The following ROR2 variants were observed in gnomAD, a reference collection of about 807,000 sequenced individuals.
ROR2 encodes tyrosine-protein kinase transmembrane receptor ROR2.
Under a neutral mutation model 74.9 loss-of-function variants are expected in ROR2, and 33 were observed. That is an observed-to-expected ratio of 0.44 (90% confidence interval 0.33 to 0.59). The LOEUF (loss-of-function observed/expected upper bound fraction) is 0.59. Among genes scored for constraint, ROR2 ranks in the 20% least tolerant of loss-of-function variants. ROR2 has a pLI of 0.02. For synonymous variants in ROR2, 586 were observed against 558.7 expected, an observed-to-expected ratio of 1.05 and a Z score of -0.69; for missense variants, 1,216 against 1,313.8, an observed-to-expected ratio of 0.93 and a Z score of 1.15.
intron 1 of ROR2, among the ~76,000 whole-genome samples, chr9:91,813,446 G>A (rs1165590253): frequency 1.3e-5 from 2 of 152,198 alleles, no homozygotes; most frequent in Admixed American, 1.3e-4. Flanking sequence ...TCTGGGTCAG[G>A]ATGGGTTTGC....
chr9:91,767,057 C>T (rs189132927), intron 2 of ROR2, among the ~76,000 whole-genome samples: 90 of 151,896 alleles, frequency 5.9e-4, no homozygotes, highest in African/African-American at 2.0e-3. Context: ...GTCTCACAGT[C>T]AGAGTCAGAT....
chr9:91,755,169 A>C (rs928701687), intron 4 of ROR2, among the ~76,000 whole-genome samples: 5 of 152,080 alleles, frequency 3.3e-5, no homozygotes, highest in South Asian at 4.2e-4. Context: ...GGGGGAAAAA[A>C]ATCTGCCCTC....
chr9:91,732,263 G>A (rs1454705040), intron 6 of ROR2, among the ~76,000 whole-genome samples: 5 of 152,186 alleles, frequency 3.3e-5, no homozygotes, highest in African/African-American at 7.2e-5. Flanking sequence ...GGTTTTCCTC[G>A]GAGACATAAG....
At position 91,730,145 on chromosome 9, in the gene ROR2, G is replaced by A; in HGVS notation, c.1183+765C>T. Among the ~76,000 whole-genome samples the A allele has an allele frequency of 1.3e-5, 2 of 152,130 alleles. 1 individual carries two copies. Among genetic ancestry groups the A allele is most frequent in the East Asian group, 3.9e-4 (2 of 5,190 alleles). On this transcript the variant is annotated intron_variant, in intron 7 of 8. Transcript: ENST00000375708. ...TTTTGTAGAGACGGGTTTTTGCCAT[G>A]TTGCTCAGACTGGTTTCAAGCTCCT...
chr9:91,770,015 A>T (rs1315183438), intron 2 of ROR2, among the ~76,000 whole-genome samples: 3 of 152,150 alleles, frequency 2.0e-5, no homozygotes, highest in Non-Finnish European at 2.9e-5. Context: ...GGACATCCAG[A>T]CCACCAGCAG....
At chr9:91,800,342 C>CAA (rs576971389) in intron 1 of ROR2, among the ~76,000 whole-genome samples, 2 of 131,320 alleles carry the variant, frequency 1.5e-5, no homozygotes, top group Non-Finnish European at 3.3e-5. Flanking sequence ...GACTCCGTCT[C>CAA]AAAAAAAAAA....
intron 1 of ROR2, among the ~76,000 whole-genome samples, chr9:91,848,484 G>A (rs1828992332): frequency 6.6e-6 from 1 of 152,178 alleles, no homozygotes; most frequent in African/African-American, 2.4e-5. Flanking sequence ...TTTGGGGCCA[G>A]GCAAGGTGGC....
chr9:91,733,428 T>C lies in ROR2; in HGVS notation c.631A>G (p.Thr211Ala). Residue 211 changes from threonine (T) to alanine (A), a missense_variant, in exon 6 of 9, where the codon ACC becomes GCC. By Grantham distance (58) the Thr-to-Ala change is moderately conservative. Transcript: ENST00000375708. The surrounding 1 kb of genome is among the most constrained non-coding windows in gnomAD (Gnocchi z 5.7). ...EIENRITAAF[T>A]MIGTSTHLSD... ...AGGTGCGTAGACGTGCCGATCATGGTGAAGGCCGCTGCAGAGCCCGCGAGA... is the reference window on the plus strand; with the variant it reads ...AGGTGCGTAGACGTGCCGATCATGGCGAAGGCCGCTGCAGAGCCCGCGAGA... 3.1e-6 allele frequency: 5 copies of C among 1,610,732 alleles called. No individual in the cohort carries two copies. Among genetic ancestry groups the C allele is most frequent in the Non-Finnish European group, 3.4e-6 (4 of 1,179,622 alleles).
At chr9:91,783,451 T>C (rs775801669) in intron 1 of ROR2, among the ~76,000 whole-genome samples, 1 of 152,168 alleles carries the variant, frequency 6.6e-6, no homozygotes, top group Non-Finnish European at 1.5e-5. Context: ...ACTGCTCGCA[T>C]GCCCAGGAAC....
chr9:91,727,655 C>T (rs1837090488), intron 7 of ROR2, among the ~76,000 whole-genome samples: 2 of 152,092 alleles, frequency 1.3e-5, no homozygotes, highest in South Asian at 4.1e-4. Flanking sequence ...CTCTAGAGAG[C>T]CACTTTCCCA....
intron 4 of ROR2, among the ~76,000 whole-genome samples, chr9:91,748,106 C>A (rs1397464612): frequency 1.3e-5 from 2 of 152,070 alleles, no homozygotes; most frequent in African/African-American, 2.4e-5. Flanking sequence ...TACTAAAAAA[C>A]CAACCAACAA....
chr9:91,787,406 G>T (rs1433687190), intron 1 of ROR2, among the ~76,000 whole-genome samples: 2 of 152,168 alleles, frequency 1.3e-5, no homozygotes, highest in African/African-American at 4.8e-5. Context: ...AGCTACTCAG[G>T]AGGCTGAGGC....
chr9:91,843,174 C>T (rs1158952724), intron 1 of ROR2, among the ~76,000 whole-genome samples: 1 of 152,160 alleles, frequency 6.6e-6, no homozygotes, highest in Non-Finnish European at 1.5e-5. Context: ...ACAGAAAAAA[C>T]ACAGTGGCCT....
intron 1 of ROR2, among the ~76,000 whole-genome samples, chr9:91,825,708 T>TA (rs1181906928): frequency 1.3e-5 from 2 of 152,166 alleles, no homozygotes; most frequent in Non-Finnish European, 2.9e-5. Flanking sequence ...GGATGACTCT[T>TA]ATGCCTAGAA....
intron 1 of ROR2, among the ~76,000 whole-genome samples, chr9:91,924,915 C>A (rs1831358787): frequency 6.6e-6 from 1 of 152,118 alleles, no homozygotes; most frequent in Non-Finnish European, 1.5e-5. Flanking sequence ...CACAATCATA[C>A]CTCACTGCAG....
chr9:91,796,910 C>T (rs1827199595), intron 1 of ROR2, among the ~76,000 whole-genome samples: 1 of 94,168 alleles, frequency 1.1e-5, no homozygotes, highest in East Asian at 4.2e-4. Flanking sequence ...GTGGATGGGG[C>T]TGACACCCTG....
At chr9:91,847,097 G>A (rs1271593187) in intron 1 of ROR2, among the ~76,000 whole-genome samples, 2 of 152,170 alleles carry the variant, frequency 1.3e-5, no homozygotes, top group African/African-American at 2.4e-5. Flanking sequence ...GGAAGATGGA[G>A]GATGACTACA....
chr9:91,822,210 G>A (rs1200312583), intron 1 of ROR2, among the ~76,000 whole-genome samples: 1 of 152,210 alleles, frequency 6.6e-6, no homozygotes, highest in Admixed American at 6.5e-5. Flanking sequence ...CCTGGAGCTG[G>A]TTACTGAAGG....
At chr9:91,908,137 A>G (rs998444258) in intron 1 of ROR2, among the ~76,000 whole-genome samples, 1 of 152,184 alleles carries the variant, frequency 6.6e-6, no homozygotes, top group Non-Finnish European at 1.5e-5. Context: ...TGTATTATCA[A>G]TGGGGGGAGG....
Sources: gnomAD v4.1 joint callset for allele counts (sites outside exome capture counted in the v4.1 genomes callset) on GRCh38, gnomAD v4.1.1 for gene constraint, Gnocchi (gnomAD v3.1) non-coding constraint, MANE v1.5 for transcripts, NCBI Gene and HGNC (gene_info 2026-07-23, HGNC 2026-07-21) for gene names.